Variants in SNX10 observed in about 807,000 individuals in gnomAD.
SNX10 encodes sorting nexin 10.
Under a neutral mutation model 28.5 loss-of-function variants are expected in SNX10, and 25 were observed. The ratio of observed to expected loss-of-function variants is 0.88; its 90% CI spans 0.64 to 1.22. The LOEUF (loss-of-function observed/expected upper bound fraction) is 1.22. Ranked by LOEUF, SNX10 falls within the 50% of genes most tolerant of loss-of-function variation. The pLI is 0.00. For missense variants in SNX10, 223 were observed against 242.6 expected (o/e 0.92, Z 0.54); for synonymous variants, 62 against 81.4 (o/e 0.76, Z 1.28).
At chr7:26,311,112 G>A (rs982725988) in intron 1 of SNX10, among the ~76,000 whole-genome samples, 5 of 151,990 alleles carry the variant, frequency 3.3e-5, no homozygotes, top group African/African-American at 1.2e-4. Flanking sequence ...TGCATACCCC[G>A]TTATCTGGGA....
At chr7:26,351,375 A>T (rs776125107) in intron 2 of SNX10, among the ~76,000 whole-genome samples, 15 of 152,318 alleles carry the variant, frequency 9.8e-5, no homozygotes, top group Middle Eastern at 3.4e-3. Flanking sequence ...AAGTGATAAA[A>T]ATGGCACTTT....
chr7:26,309,098 A>G (rs1786713497), intron 1 of SNX10, among the ~76,000 whole-genome samples: 1 of 151,984 alleles, frequency 6.6e-6, no homozygotes, highest in South Asian at 2.1e-4. Context: ...TTCATGGGGG[A>G]CTGGGCCCCT....
Position 26,336,935 on chromosome 7 carries a change from G to A in SNX10, c.-23-9485G>A, listed in dbSNP as rs80296304. 7.9e-3 allele frequency among the ~76,000 whole-genome samples: 1,201 copies of A among 152,178 alleles called. 14 individuals are homozygous for A. The highest frequency in any genetic ancestry group is 0.017 in the African/African-American group (693 of 41,502). On this transcript the variant is annotated intron_variant, in intron 1 of 6. Coordinates refer to ENST00000338523, the MANE Select transcript of SNX10 (RefSeq NM_013322.3). ...ACAAATATTTTGCACATGTAGCACTGATATTTTTTTAGATTGAGTTCCCAG... is the reference window on the plus strand; with the variant it reads ...ACAAATATTTTGCACATGTAGCACTAATATTTTTTTAGATTGAGTTCCCAG...
intron 1 of SNX10, among the ~76,000 whole-genome samples, chr7:26,340,004 G>GT (rs138983233): frequency 0.17 from 25,483 of 149,576 alleles, 2,436 homozygotes; most frequent in South Asian, 0.42. Context: ...AGTCTTTGCC[G>GT]TTTTTTTTTT....
intron 1 of SNX10, among the ~76,000 whole-genome samples, chr7:26,317,617 G>C (rs554937439): frequency 6.6e-5 from 10 of 150,710 alleles, no homozygotes; most frequent in African/African-American, 2.4e-4. Flanking sequence ...AAAAATGGAA[G>C]CCTGAATGAA....
chr7:26,367,323 C>A (rs1477331981), intron 5 of SNX10, among the ~76,000 whole-genome samples: 1 of 152,180 alleles, frequency 6.6e-6, no homozygotes, highest in Non-Finnish European at 1.5e-5. Flanking sequence ...ACTGTGTACA[C>A]ATCCAGGGCT....
At chr7:26,357,619 C>T (rs1534696) in intron 2 of SNX10, among the ~76,000 whole-genome samples, 1 of 151,816 alleles carries the variant, frequency 6.6e-6, no homozygotes, top group South Asian at 2.1e-4. Context: ...ATATGGGCCC[C>T]GAAATAAATT....
Position 26,327,187 on chromosome 7 carries a change from A to T in SNX10, c.-23-19233A>T, listed in dbSNP as rs180997844. Among the ~76,000 whole-genome samples, 316 of 151,364 alleles carry T rather than the reference A, an allele frequency of 2.1e-3. 2 individuals are homozygous for T. The highest frequency in any genetic ancestry group is 7.4e-3 in the African/African-American group (307 of 41,276). On this transcript the variant is annotated intron_variant, in intron 1 of 6. Transcript: ENST00000338523. ...GCTTGTCTCAAACTCCTTACCTCAG[A>T]TCATCCACCTGCCTTAGCTTCCCAA...
At chr7:26,360,897 T>A in intron 2 of SNX10, 78 bp from the exon 3 acceptor site, 1 of 1,577,892 alleles carries the variant, frequency 6.3e-7, no homozygotes, top group South Asian at 1.2e-5. Flanking sequence ...TTTGTTTTAG[T>A]GCAGTCGTTT....
rs555895487 is a variant in SNX10 at position 26,340,789 on chromosome 7, CAG to C, written c.-23-5628_-23-5627del. On this transcript the variant is annotated intron_variant, in intron 1 of 6. Coordinates refer to ENST00000338523, the MANE Select transcript of SNX10 (RefSeq NM_013322.3). ...TTTTTTCATTTGTTTATTTTAGAGA[CAG>C]AGTCTCGCTCTGTTGTCTAGGCTGG... 8.5e-5 allele frequency among the ~76,000 whole-genome samples: 13 copies of C among 152,284 alleles called. No individual in the cohort carries two copies. In the East Asian group the frequency reaches 1.7e-3, roughly 20 times the overall value.
rs371843252 is a variant in SNX10 at position 26,322,402 on chromosome 7, G to T, written c.-23-24018G>T. Among the ~76,000 whole-genome samples the T allele has an allele frequency of 2.2e-4, 34 of 152,222 alleles. 1 individual carries two copies. Among genetic ancestry groups the T allele is most frequent in the East Asian group, 1.2e-3 (6 of 5,184 alleles). ...TTTGTCACCCTCCCAAAATAAGAAA[G>T]ACATAATCTCAGAATAAAGGGGAGT... On this transcript the variant is annotated intron_variant, in intron 1 of 6. Transcript: ENST00000338523.
At chr7:26,306,989 C>G (rs1309304054) in intron 1 of SNX10, among the ~76,000 whole-genome samples, 1 of 152,222 alleles carries the variant, frequency 6.6e-6, no homozygotes, top group Non-Finnish European at 1.5e-5. Context: ...ATGCCTCACA[C>G]TACTTTTACC....
At chr7:26,347,627 A>T (rs567306165) in intron 2 of SNX10, among the ~76,000 whole-genome samples, 4 of 152,294 alleles carry the variant, frequency 2.6e-5, no homozygotes, top group Admixed American at 2.0e-4. Context: ...AGGTGGTTGG[A>T]TTACTTGAGG....
chr7:26,357,593 G>T (rs988547973), intron 2 of SNX10, among the ~76,000 whole-genome samples: 3 of 152,192 alleles, frequency 2.0e-5, no homozygotes, highest in African/African-American at 7.2e-5. Flanking sequence ...TTGTCTTCAT[G>T]TGGGGAATGC....
intron 1 of SNX10, among the ~76,000 whole-genome samples, chr7:26,326,050 C>CTCTTTTTAAAGAGTATTTTAT (rs1787491785): frequency 6.6e-6 from 1 of 152,052 alleles, no homozygotes; most frequent in African/African-American, 2.4e-5. Flanking sequence ...TTTAAAAATA[C>CTCTTTTTAAAGAGTATTTTAT]GTTATGAATA....
intron 1 of SNX10, among the ~76,000 whole-genome samples, chr7:26,322,695 G>T (rs907575982): frequency 6.6e-6 from 1 of 152,088 alleles, no homozygotes; most frequent in Non-Finnish European, 1.5e-5. Context: ...GTATAAAATG[G>T]TCATTTTGCA....
At chr7:26,295,806 G>A (rs1305831352) in intron 1 of SNX10, among the ~76,000 whole-genome samples, 2 of 152,316 alleles carry the variant, frequency 1.3e-5, no homozygotes, top group East Asian at 1.9e-4. Context: ...CTCTGATTTG[G>A]TATGGGAATC....
chr7:26,360,169 A>T (rs1211420032), intron 2 of SNX10, among the ~76,000 whole-genome samples: 3 of 152,220 alleles, frequency 2.0e-5, no homozygotes, highest in African/African-American at 7.2e-5. Flanking sequence ...ATAAGTTATT[A>T]TCGCTTATTC....
chr7:26,321,721 C>G (rs1787316829), intron 1 of SNX10, among the ~76,000 whole-genome samples: 1 of 152,064 alleles, frequency 6.6e-6, no homozygotes, highest in Non-Finnish European at 1.5e-5. Context: ...CTCCTTACTT[C>G]ATTATCTTCT....
Sources: gnomAD v4.1 joint callset for allele counts (sites outside exome capture counted in the v4.1 genomes callset) on GRCh38, gnomAD v4.1.1 for gene constraint, MANE v1.5 for transcripts, NCBI Gene and HGNC (gene_info 2026-07-23, HGNC 2026-07-21) for gene names.